The following SLC2A13 variants were observed in gnomAD, a reference collection of about 807,000 sequenced individuals.
SLC2A13 encodes the protein proton myo-inositol cotransporter.
In SLC2A13, 32 loss-of-function variants were observed where a neutral mutation model predicts 64.4. The ratio of observed to expected loss-of-function variants is 0.50; its 90% CI spans 0.37 to 0.67. The LOEUF (loss-of-function observed/expected upper bound fraction) is 0.67. Among genes scored for constraint, SLC2A13 ranks in the 30% least tolerant of loss-of-function variants. The pLI is 0.00. For synonymous variants in SLC2A13, 338 were observed against 327.1 expected, an observed-to-expected ratio of 1.03 and a Z score of -0.36; for missense variants, 743 against 829.2, an observed-to-expected ratio of 0.90 and a Z score of 1.28.
At chr12:39,858,010 G>C (rs1004831326) in intron 6 of SLC2A13, among the ~76,000 whole-genome samples, 3 of 152,142 alleles carry the variant, frequency 2.0e-5, no homozygotes, top group African/African-American at 7.2e-5. Context: ...CTTGCCAAGT[G>C]GGGGATTTGT....
intron 1 of SLC2A13, among the ~76,000 whole-genome samples, chr12:40,090,346 T>G (rs1254253846): frequency 6.6e-6 from 1 of 152,166 alleles, no homozygotes; most frequent in African/African-American, 2.4e-5. Flanking sequence ...TTTTAACAAT[T>G]AAGGCACTAT....
chr12:39,968,906 G>A (rs559033823), intron 3 of SLC2A13, among the ~76,000 whole-genome samples: 10 of 151,384 alleles, frequency 6.6e-5, no homozygotes, highest in Admixed American at 4.6e-4. Context: ...CCATTAACTC[G>A]TCATTTACAT....
At chr12:39,864,719 T>C (rs749782824) in intron 6 of SLC2A13, 43 bp downstream of exon 6, 2 of 1,600,304 alleles carry the variant, frequency 1.2e-6, no homozygotes, top group Non-Finnish European at 8.5e-7. Flanking sequence ...GCAAAAAAGT[T>C]ACCAGAGTCA....
At chr12:40,012,229 A>G (rs1361272595) in intron 3 of SLC2A13, among the ~76,000 whole-genome samples, 2 of 152,230 alleles carry the variant, frequency 1.3e-5, no homozygotes, top group Non-Finnish European at 2.9e-5. Context: ...AGTTCCAATT[A>G]TAGAACTACA....
At chr12:40,037,573 T>C (rs1190273961) in intron 2 of SLC2A13, among the ~76,000 whole-genome samples, 1 of 142,094 alleles carries the variant, frequency 7.0e-6, no homozygotes, top group Non-Finnish European at 1.5e-5. Context: ...TGAGCTATGA[T>C]CCTGCCACTG....
At chr12:39,902,931 T>C (rs1036563484) in intron 4 of SLC2A13, among the ~76,000 whole-genome samples, 2 of 152,106 alleles carry the variant, frequency 1.3e-5, no homozygotes, top group African/African-American at 2.4e-5. Flanking sequence ...CCCTGTTGAG[T>C]TGCACACAAA....
intron 3 of SLC2A13, among the ~76,000 whole-genome samples, chr12:40,016,084 TTA>T (rs1265278141): frequency 5.3e-5 from 8 of 152,198 alleles, no homozygotes; most frequent in Admixed American, 4.6e-4. Flanking sequence ...AAACTTTAAA[TTA>T]TATTATTCCT....
At chr12:40,065,318 T>TA (rs1342092559) in intron 1 of SLC2A13, among the ~76,000 whole-genome samples, 20 of 152,226 alleles carry the variant, frequency 1.3e-4, no homozygotes, top group African/African-American at 4.8e-4. Flanking sequence ...GGCTCACACC[T>TA]ATCTTATAAT....
chr12:40,056,040 A>T (rs1297855103), intron 1 of SLC2A13, among the ~76,000 whole-genome samples: 2 of 151,870 alleles, frequency 1.3e-5, no homozygotes, highest in Non-Finnish European at 2.9e-5. Flanking sequence ...CAAACAAAAC[A>T]CATCTCTACA....
At chr12:39,944,576 C>A (rs1946103951) in intron 4 of SLC2A13, among the ~76,000 whole-genome samples, 1 of 152,188 alleles carries the variant, frequency 6.6e-6, no homozygotes, top group Non-Finnish European at 1.5e-5. Context: ...TTGGACAAGG[C>A]CTTTTACCAT....
At chr12:40,001,687 C>T (rs985331399) in intron 3 of SLC2A13, among the ~76,000 whole-genome samples, 1 of 152,174 alleles carries the variant, frequency 6.6e-6, no homozygotes, top group African/African-American at 2.4e-5. Context: ...GGCACTGAAA[C>T]TATGATCTTG....
At chr12:39,841,283 A>G (rs1369918935) in intron 6 of SLC2A13, among the ~76,000 whole-genome samples, 3 of 152,262 alleles carry the variant, frequency 2.0e-5, no homozygotes, top group Non-Finnish European at 4.4e-5. Context: ...GCGATTTAAC[A>G]TATATTGGTA....
At chr12:39,994,174 G>A (rs923750408) in intron 3 of SLC2A13, among the ~76,000 whole-genome samples, 2 of 151,828 alleles carry the variant, frequency 1.3e-5, no homozygotes, top group African/African-American at 4.8e-5. Context: ...CGGATCACGA[G>A]GTCAGGAGAT....
At chr12:39,768,341 C>G (rs1396726407) in intron 7 of SLC2A13, among the ~76,000 whole-genome samples, 3 of 152,104 alleles carry the variant, frequency 2.0e-5, no homozygotes, top group South Asian at 2.1e-4. Context: ...ACTTTCTTAT[C>G]ATTTGTGTGT....
chr12:39,815,612 G>A (rs754160103), intron 7 of SLC2A13, among the ~76,000 whole-genome samples: 1 of 152,126 alleles, frequency 6.6e-6, no homozygotes, highest in African/African-American at 2.4e-5. Flanking sequence ...GGTAAGAGGC[G>A]AACGGGGATA....
chr12:40,026,291 T>C (rs1947804767), intron 3 of SLC2A13, among the ~76,000 whole-genome samples: 1 of 152,232 alleles, frequency 6.6e-6, no homozygotes, highest in South Asian at 2.1e-4. Context: ...ATCCAGTGAA[T>C]AACATTATAG....
chr12:40,046,995 G>A (rs1948181678), intron 2 of SLC2A13, among the ~76,000 whole-genome samples: 1 of 151,744 alleles, frequency 6.6e-6, no homozygotes, highest in Admixed American at 6.6e-5. Flanking sequence ...TCCGCCTTCA[G>A]GGTTCAAGCG....
In SLC2A13 at chr12:39,886,517, A is replaced by G. The variant is rs551802244; in HGVS notation, c.1035-14556T>C. On this transcript the variant is annotated intron_variant, in intron 4 of 9. Coordinates refer to ENST00000280871, the MANE Select transcript of SLC2A13 (RefSeq NM_052885.4). ...ATTTAGGGGGTACTACATGACATTC[A>G]TTTTAATTCTCAGATCCCACCGAGA... Among the ~76,000 whole-genome samples, 4 of 150,796 alleles carry G rather than the reference A, an allele frequency of 2.7e-5. No individual in the cohort carries two copies. The East Asian group carries it at 7.9e-4, about 30-fold the overall frequency.
intron 3 of SLC2A13, among the ~76,000 whole-genome samples, chr12:39,954,873 T>C (rs1946291072): frequency 6.6e-6 from 1 of 152,144 alleles, no homozygotes; most frequent in South Asian, 2.1e-4. Flanking sequence ...AAAGAAAAAC[T>C]GACACAACAG....
Sources: gnomAD v4.1 joint callset for allele counts (sites outside exome capture counted in the v4.1 genomes callset) on GRCh38, gnomAD v4.1.1 for gene constraint, MANE v1.5 for transcripts, NCBI Gene and HGNC (gene_info 2026-07-23, HGNC 2026-07-21) for gene names.